SERINC3: variants seen among roughly 807,000 people sequenced by gnomAD.
SERINC3 encodes serine incorporator 3.
A neutral mutation model predicts 52.1 loss-of-function variants in SERINC3; 22 were observed. That is an observed-to-expected ratio of 0.42 (90% CI 0.30 to 0.60). SERINC3 has a LOEUF of 0.60. SERINC3 is among the 20% of genes least tolerant of loss of function. SERINC3 has a pLI of 0.16. For synonymous variants in SERINC3, 226 were observed against 212.7 expected, an observed-to-expected ratio of 1.06 and a Z score of -0.54; for missense variants, 564 against 584.6, an observed-to-expected ratio of 0.96 and a Z score of 0.36.
intron 9 of SERINC3, 133 bp downstream of exon 9, chr20:44,500,940 A>G: frequency 1.5e-6 from 1 of 648,408 alleles, no homozygotes. Flanking sequence ...TAGAGGGGAT[A>G]AAGTCAAGAG....
chr20:44,517,611 C>A, intron 1 of SERINC3, among the ~76,000 whole-genome samples: 1 of 151,270 alleles, frequency 6.6e-6, no homozygotes, highest in Non-Finnish European at 1.5e-5. Flanking sequence ...AGGGGAGAGG[C>A]ATGATACAGA....
chr20:44,505,322 GT>G (rs541435886), intron 6 of SERINC3, among the ~76,000 whole-genome samples: 9 of 150,890 alleles, frequency 6.0e-5, no homozygotes, highest in Admixed American at 1.3e-4. Context: ...TTTTTAAACG[GT>G]TTTTTTTTCT....
rs2064269924 is a variant in SERINC3 at position 44,500,104 on chromosome 20, T to C, written c.*192A>G. 2 of 605,418 alleles carry C rather than the reference T, an allele frequency of 3.3e-6. No homozygotes were observed. Among genetic ancestry groups the C allele is most frequent in the East Asian group, 3.1e-5 (1 of 32,632 alleles). 37.5% of individuals were successfully genotyped at this position (605,418 alleles called of 1,614,324 possible). ...GCTATATCCTTAGAAGTAAACATAA[T>C]ATACAGATAAATGAGAAGTTTCGAT... On this transcript the variant is annotated 3_prime_UTR_variant, in exon 10 of 10. Transcript: ENST00000342374.
rs566135471 is a variant in SERINC3 at position 44,501,224 on chromosome 20, T to G, written c.1132A>C (p.Thr378Pro). ...GSDSVILGDT[T>P]TSGASDEEDG... ...TCTTCATCACTGGCACCACTGGTAG[T>G]TGTATCACCAAGGATGACGCTGTCA... Residue 378 changes from threonine to proline, a missense_variant, in exon 9 of 10, where the codon ACT (threonine) becomes CCT (proline). Transcript: ENST00000342374. 2.2e-4 allele frequency: 355 copies of G among 1,614,154 alleles called. 5 individuals carry two copies. In the South Asian group the frequency reaches 3.8e-3, roughly 17 times the overall value.
In SERINC3 at chr20:44,498,702, A is replaced by C. The variant is rs2064262376; in HGVS notation, c.*1594T>G. ...TCTCATATGGACTGCACCTGGTCTCATCTCTCTAAATCCATTCTCTATATA... is the reference window on the plus strand; with the variant it reads ...TCTCATATGGACTGCACCTGGTCTCCTCTCTCTAAATCCATTCTCTATATA... On this transcript the variant is annotated 3_prime_UTR_variant, in exon 10 of 10. Coordinates refer to ENST00000342374, the MANE Select transcript of SERINC3 (RefSeq NM_006811.4). The C allele has an allele frequency of 6.6e-6, 1 of 152,104 alleles. No individual in the cohort carries two copies. The highest frequency in any genetic ancestry group is 1.5e-5 in the Non-Finnish European group (1 of 68,024). The allele number at this position is 152,104 out of a possible 1,614,324, so 9.4% of individuals were successfully genotyped here.
rs937986614 is a variant in SERINC3, at chr20:44,497,903, T to A, written c.*2393A>T. ...TTTAGCCCATAATGAGATCAGCAGC[T>A]ACTGTCAGTGCTATGTCAGTGCTAA... is the stretch of plus-strand genomic sequence containing the variant. On this transcript the variant is annotated 3_prime_UTR_variant, in exon 10 of 10. Coordinates refer to ENST00000342374, the MANE Select transcript of SERINC3 (RefSeq NM_006811.4). 4.6e-5 allele frequency: 7 copies of A among 152,248 alleles called. No individual in the cohort carries two copies. Among genetic ancestry groups the A allele is most frequent in the Non-Finnish European group, 1.0e-4 (7 of 68,048 alleles). 9.4% of individuals were successfully genotyped at this position (152,248 alleles called of 1,614,324 possible). A position where few individuals can be genotyped will look rare whatever the true frequency, so the allele number is the denominator to read the frequency against.
intron 1 of SERINC3, 86 bp from the exon 2 acceptor site, chr20:44,514,126 A>T: frequency 7.1e-7 from 1 of 1,404,524 alleles, no homozygotes; most frequent in South Asian, 1.4e-5. Context: ...AAGCGAGGCA[A>T]ATCAGGCTTT....
At chr20:44,511,174 A>G (rs1462427066) in intron 4 of SERINC3, 115 bp downstream of exon 4, 9 of 707,422 alleles carry the variant, frequency 1.3e-5, no homozygotes, top group South Asian at 1.8e-5. Context: ...TTGGCCTCCC[A>G]AAGTGCTGAG....
intron 1 of SERINC3, 132 bp from the exon 2 acceptor site, chr20:44,514,172 G>C: frequency 2.1e-6 from 2 of 960,822 alleles, no homozygotes; most frequent in South Asian, 2.0e-5. Context: ...CTGGGAGGAA[G>C]TGGTTAAAAG....
chr20:44,502,575 T>C (rs1189027860), intron 8 of SERINC3, among the ~76,000 whole-genome samples: 1 of 146,434 alleles, frequency 6.8e-6, no homozygotes, highest in Non-Finnish European at 1.5e-5. Flanking sequence ...AGAGCAACAC[T>C]TCTTCTCTTC....
chr20:44,521,745 T>C (rs568203626), intron 1 of SERINC3, among the ~76,000 whole-genome samples, 168 bp downstream of exon 1: 3 of 152,358 alleles, frequency 2.0e-5, no homozygotes, highest in Admixed American at 1.3e-4. Flanking sequence ...CCGCCTAAGC[T>C]GGACCTGAGG....
intron 1 of SERINC3, among the ~76,000 whole-genome samples, chr20:44,515,995 C>T (rs1013655632): frequency 6.6e-6 from 1 of 152,158 alleles, no homozygotes; most frequent in East Asian, 1.9e-4. Flanking sequence ...GTCAACTTTA[C>T]CTCCTTTTTT....
At position 44,513,871 on chromosome 20, in the gene SERINC3, C is replaced by T; in HGVS notation, c.201+8G>A. 1 of 1,594,012 alleles carries T rather than the reference C, an allele frequency of 6.3e-7. No individual in the cohort carries two copies. Among genetic ancestry groups the T allele is most frequent in the Non-Finnish European group, 8.5e-7 (1 of 1,169,682 alleles). On this transcript the variant is annotated splice_region_variant and intron_variant, in intron 2 of 9. Coordinates refer to ENST00000342374, the MANE Select transcript of SERINC3 (RefSeq NM_006811.4). ...AACCAATACCTTAAGGGCACTGTTA[C>T]TTCTTACCTTCTTCAAGTAAGTTTC... is the stretch of plus-strand genomic sequence containing the variant.
At chr20:44,511,164 T>C (rs1368133550) in intron 4 of SERINC3, 125 bp downstream of exon 4, 1 of 650,554 alleles carries the variant, frequency 1.5e-6, no homozygotes, top group Non-Finnish European at 2.7e-6. Context: ...TCCGCCCGTC[T>C]TGGCCTCCCA....
chr20:44,497,185 C>T (rs2064253456), downstream of SERINC3, among the ~76,000 whole-genome samples: 1 of 152,200 alleles, frequency 6.6e-6, no homozygotes, highest in South Asian at 2.1e-4. Context: ...AATGAAAGGC[C>T]ACCCTGAGAT....
intron 8 of SERINC3, 86 bp downstream of exon 8, chr20:44,503,729 T>C (rs564537436): frequency 2.8e-6 from 3 of 1,080,370 alleles, no homozygotes; most frequent in South Asian, 3.6e-5. Context: ...TTTAAATTTC[T>C]CATGCTGCTT....
At position 44,503,232 on chromosome 20, in the gene SERINC3, A is replaced by C. The variant is rs144649267; in HGVS notation, c.1055+583T>G. 7.9e-5 allele frequency among the ~76,000 whole-genome samples: 12 copies of C among 152,216 alleles called. No homozygotes were observed. The East Asian group carries it at 9.6e-4, about 12-fold the overall frequency. The stretch of plus-strand genomic sequence containing the variant: ...CAATCCCTATAAAAATCCCAGCTAC[A>C]TATTTTTTTGCAGAAATTGACAAGC... On this transcript the variant is annotated intron_variant, in intron 8 of 9. Coordinates refer to ENST00000342374, the MANE Select transcript of SERINC3 (RefSeq NM_006811.4).
In SERINC3 at chr20:44,512,855, A is replaced by T; in HGVS notation, c.341T>A (p.Leu114Gln). 6.3e-7 allele frequency: 1 copy of T among 1,579,290 alleles called. No individual in the cohort carries two copies. The highest frequency in any genetic ancestry group is 1.2e-5 in the South Asian group (1 of 83,746). The change falls in exon 3 of 10, where the codon CTG (leucine) becomes CAG (glutamine). Residue 114 changes from leucine to glutamine, a missense_variant. Leu to Gln is a moderately radical substitution (Grantham distance 113, BLOSUM62 -2). Transcript: ENST00000342374. ...ACTTGTTTTTACTTTGAACATGAGC[A>T]GAGAAAAGACAAAGAAAAAGATGGC... is the stretch of plus-strand genomic sequence containing the variant. ...AMAIFFFVFSLLMFKVKTSKD... is the reference protein window; with the variant it reads ...AMAIFFFVFSQLMFKVKTSKD...
chr20:44,504,945 C>T (rs2064302324), intron 6 of SERINC3, 54 bp from the exon 7 acceptor site: 1 of 1,364,998 alleles, frequency 7.3e-7, no homozygotes. Flanking sequence ...GCTGACTTTC[C>T]AAAATGCAGT....
Sources: allele counts gnomAD v4.1 joint callset (sites outside exome capture counted in the v4.1 genomes callset), GRCh38; gene constraint gnomAD v4.1.1; transcripts MANE v1.5; gene names NCBI Gene and HGNC (gene_info 2026-07-23, HGNC 2026-07-21).